ATP13A4: variants seen among roughly 807,000 people sequenced by gnomAD.
ATP13A4 encodes the protein ATPase 13A4.
Under a neutral mutation model 142.5 loss-of-function variants are expected in ATP13A4, and 114 were observed. The ratio of observed to expected loss-of-function variants is 0.80; its 90% confidence interval spans 0.69 to 0.93. The LOEUF is 0.93. Ranked by LOEUF, ATP13A4 falls within the 40% of genes least tolerant of loss-of-function variation. The pLI, the probability that ATP13A4 is intolerant of heterozygous loss-of-function variation, is 0.00. For missense variants in ATP13A4, 1,392 were observed against 1,454.0 expected, an observed-to-expected ratio of 0.96 and a Z score of 0.69; for synonymous variants, 488 against 514.8, an observed-to-expected ratio of 0.95 and a Z score of 0.70.
Position 193,483,976 on chromosome 3 carries a change from C to T in ATP13A4, c.768G>A (p.Glu256=), listed in dbSNP as rs1331157865. 1.9e-6 allele frequency: 3 copies of T among 1,610,354 alleles called. No individual in the cohort carries two copies. Among genetic ancestry groups the T allele is most frequent in the Admixed American group, 3.3e-5 (2 of 59,990 alleles). Residue 256 remains glutamate, a synonymous_variant, in exon 8 of 30, where the codon GAG becomes GAA. Coordinates refer to ENST00000342695, the MANE Select transcript of ATP13A4 (RefSeq NM_032279.4). ...CAGAGACCGTAATGCTATTATGTGA[C>T]TCGACGAGATGGTGGAGTTTTACAG... ...EQSVKLHHLV[E]SHNSITVSVC...
intron 1 of ATP13A4, among the ~76,000 whole-genome samples, chr3:193,548,816 C>T (rs1483970196): frequency 6.6e-6 from 1 of 152,146 alleles, no homozygotes; most frequent in Non-Finnish European, 1.5e-5. Context: ...CGTTATGTGC[C>T]CATTACTAGG....
At chr3:193,555,117 T>G, upstream of ATP13A4, 1 of 432,522 alleles carries the variant, frequency 2.3e-6, no homozygotes, top group Admixed American at 3.6e-5. Flanking sequence ...AAAGAACTCA[T>G]TGCCTGCCCA....
chr3:193,438,941 CTA>C (rs960229803), intron 22 of ATP13A4, 80 bp downstream of exon 22: 1 of 1,386,962 alleles, frequency 7.2e-7, no homozygotes, highest in African/African-American at 1.4e-5. Context: ...GAGATTATGA[CTA>C]CACACACTGG....
chr3:193,570,950 A>C (rs1724247763), intron 2 of ATP13A4, among the ~76,000 whole-genome samples: 1 of 152,190 alleles, frequency 6.6e-6, no homozygotes, highest in Non-Finnish European at 1.5e-5. Flanking sequence ...GGGGTGTAAA[A>C]TTTGGCCAGA....
intron 1 of ATP13A4, 60 bp downstream of exon 1, chr3:193,554,679 TG>T: frequency 7.3e-7 from 1 of 1,362,600 alleles, no homozygotes; most frequent in Non-Finnish European, 1.0e-6. Flanking sequence ...TGTGTGTGTG[TG>T]TGTGTGTCTC....
intron 2 of ATP13A4, among the ~76,000 whole-genome samples, chr3:193,505,647 C>T (rs1477191012): frequency 3.9e-5 from 6 of 152,046 alleles, no homozygotes; most frequent in Non-Finnish European, 7.4e-5. Flanking sequence ...GATAGGACAG[C>T]TAGATGACCC....
chr3:193,429,163 C>A (rs1355863949), intron 25 of ATP13A4, among the ~76,000 whole-genome samples: 1 of 151,940 alleles, frequency 6.6e-6, no homozygotes, highest in Non-Finnish European at 1.5e-5. Context: ...ATAACAAGAG[C>A]TGATGAGGCT....
At chr3:193,569,684 C>T (rs779533851) in intron 2 of ATP13A4, among the ~76,000 whole-genome samples, 7 of 151,902 alleles carry the variant, frequency 4.6e-5, no homozygotes, top group African/African-American at 1.2e-4. Context: ...CACGCCACCA[C>T]GCTCAGCTAA....
intron 1 of ATP13A4, among the ~76,000 whole-genome samples, chr3:193,517,279 C>T (rs1721468156): frequency 6.6e-6 from 1 of 152,092 alleles, no homozygotes; most frequent in Admixed American, 6.5e-5. Context: ...TCAAGGAGCT[C>T]ATTAGTTTAG....
chr3:193,491,549 C>G (rs1719944186), intron 5 of ATP13A4, 151 bp from the exon 6 acceptor site: 2 of 675,990 alleles, frequency 3.0e-6, no homozygotes, highest in Non-Finnish European at 5.2e-6. Context: ...TGATCCTTCT[C>G]AAAATAATGG....
intron 17 of ATP13A4, among the ~76,000 whole-genome samples, chr3:193,449,389 G>C (rs747305701): frequency 3.3e-5 from 5 of 152,296 alleles, no homozygotes; most frequent in Middle Eastern, 3.4e-3. Flanking sequence ...CTCCTTGCCT[G>C]TCTCAATAGT....
chr3:193,462,024 C>A (rs983769894), intron 13 of ATP13A4, among the ~76,000 whole-genome samples: 4 of 152,056 alleles, frequency 2.6e-5, no homozygotes, highest in African/African-American at 9.7e-5. Flanking sequence ...GAGTTTGAGA[C>A]CAGCCTGGCC....
intron 12 of ATP13A4, among the ~76,000 whole-genome samples, chr3:193,463,742 G>A (rs1034682552): frequency 6.6e-6 from 1 of 151,958 alleles, no homozygotes; most frequent in African/African-American, 2.4e-5. Flanking sequence ...CTTTTTCCAG[G>A]TCCGAGGATA....
intron 25 of ATP13A4, among the ~76,000 whole-genome samples, chr3:193,429,442 T>A (rs1011324339): frequency 1.3e-5 from 2 of 152,090 alleles, no homozygotes; most frequent in Non-Finnish European, 2.9e-5. Context: ...TATATACATA[T>A]AATGGAATAT....
rs187916575 is a variant in ATP13A4 at position 193,489,865 on chromosome 3, C to A, written c.604-1G>T. 3.7e-6 allele frequency: 6 copies of A among 1,612,524 alleles called. No individual in the cohort carries two copies. The Admixed American group carries it at 8.3e-5, about 22-fold the overall frequency. Reference sequence around the variant, plus strand: ...GAAATATATAAAATGGATTTAGAACCTGTTGGCAGACATAAAAACAGGAAG... The same window carrying A: ...GAAATATATAAAATGGATTTAGAACATGTTGGCAGACATAAAAACAGGAAG... On this transcript the variant is annotated splice_acceptor_variant, in intron 6 of 29. Coordinates refer to ENST00000342695, the MANE Select transcript of ATP13A4 (RefSeq NM_032279.4). LOFTEE classifies it high-confidence loss of function.
intron 1 of ATP13A4, among the ~76,000 whole-genome samples, chr3:193,516,473 G>A (rs2108686603): frequency 6.6e-6 from 1 of 152,324 alleles, no homozygotes; most frequent in East Asian, 1.9e-4. Flanking sequence ...TTGCTCTCCA[G>A]ATGCCAAGCC....
In ATP13A4 at chr3:193,465,077, C is replaced by T; in HGVS notation, c.1324G>A (p.Val442Ile). Reference sequence around the variant, plus strand: ...AGAGCAGCAGGTAGAGCCGGAGGAACCGCAATTGTGATGACGTCAAGGGCT... The same window carrying T: ...AGAGCAGCAGGTAGAGCCGGAGGAATCGCAATTGTGATGACGTCAAGGGCT... ...RKALDVITIAVPPALPAALTT... is the reference protein window; with the variant it reads ...RKALDVITIAIPPALPAALTT... The change falls in exon 12 of 30, where the codon GTT (valine) becomes ATT (isoleucine). Residue 442 changes from valine to isoleucine, a missense_variant. By Grantham distance (29) the Val-to-Ile change is conservative. Transcript: ENST00000342695. The T allele has an allele frequency of 6.2e-7, 1 of 1,614,136 alleles. No individual in the cohort carries two copies. Among genetic ancestry groups the T allele is most frequent in the Non-Finnish European group, 8.5e-7 (1 of 1,180,016 alleles).
rs371400867 is a variant in ATP13A4, at chr3:193,569,531, GT to G, written n.291+12175del. ...GTTTTGGTTTGGTTTTTTTGTTGTT[GT>G]TTTTGTTTTTGTTTTTTGTTTTTTG... On this transcript the variant is annotated intron_variant and non_coding_transcript_variant, in intron 2 of 3. Transcript: ENST00000489140. Among the ~76,000 whole-genome samples the G allele has an allele frequency of 7.8e-3, 1,090 of 139,466 alleles. 8 individuals are homozygous for G. Among genetic ancestry groups the G allele is most frequent in the South Asian group, 0.018 (80 of 4,328 alleles). The allele number at this position is 139,466 out of a possible 152,430, so 91.5% of individuals were successfully genotyped here. A position where few individuals can be genotyped will look rare whatever the true frequency, so the allele number is the denominator to read the frequency against.
chr3:193,561,886 C>T (rs989650955), intron 2 of ATP13A4, among the ~76,000 whole-genome samples: 1 of 152,110 alleles, frequency 6.6e-6, no homozygotes, highest in Non-Finnish European at 1.5e-5. Flanking sequence ...TTTTACACAC[C>T]CCTATGAAAC....
Sources: allele counts gnomAD v4.1 joint callset (sites outside exome capture counted in the v4.1 genomes callset), GRCh38; gene constraint gnomAD v4.1.1; transcripts MANE v1.5; gene names NCBI Gene and HGNC (gene_info 2026-07-23, HGNC 2026-07-21).